The following GALNT2 variants were observed in gnomAD, a reference collection of about 807,000 sequenced individuals.
GALNT2 encodes polypeptide N-acetylgalactosaminyltransferase 2, also known as UDP-GalNAc:polypeptide N-acetylgalactosaminyltransferase 2.
In GALNT2, 31 loss-of-function variants were observed where a neutral mutation model predicts 81.4. The observed-to-expected ratio is 0.38, with a 90% CI of 0.29 to 0.51. The LOEUF (loss-of-function observed/expected upper bound fraction) is 0.51, where lower values mean the gene tolerates loss of function less well. Ranked by LOEUF, GALNT2 falls within the 20% of genes least tolerant of loss-of-function variation. The pLI, the probability that GALNT2 is intolerant of heterozygous loss-of-function variation, is 0.87. For synonymous variants in GALNT2, 303 were observed against 287.4 expected (o/e 1.05, Z -0.55); for missense variants, 629 against 765.7 (o/e 0.82, Z 2.11).
intron 1 of GALNT2, among the ~76,000 whole-genome samples, chr1:230,149,379 T>G (rs1662024064): frequency 6.6e-6 from 1 of 152,184 alleles, no homozygotes; most frequent in African/African-American, 2.4e-5. Context: ...TGCTGCCTGC[T>G]TGCTGTTTTA....
In GALNT2 at chr1:230,096,418, C is replaced by T. The variant is rs926416896; in HGVS notation, c.126+29012C>T. ...ATGGGGGTGGCATGGTTAGAGCATG[C>T]TGGCTGAGGGCAGGAGGCCAGAGGT... On this transcript the variant is annotated intron_variant, in intron 1 of 15. Coordinates refer to ENST00000366672, the MANE Select transcript of GALNT2 (RefSeq NM_004481.5). Among the ~76,000 whole-genome samples the T allele has an allele frequency of 5.3e-5, 8 of 152,160 alleles. No individual in the cohort carries two copies. The East Asian group carries it at 1.3e-3, about 26-fold the overall frequency.
intron 7 of GALNT2, among the ~76,000 whole-genome samples, chr1:230,245,262 A>G (rs1665330671): frequency 6.6e-6 from 1 of 152,136 alleles, no homozygotes; most frequent in Admixed American, 6.5e-5. Flanking sequence ...TCAGAAGTTC[A>G]AGAATAGCCT....
chr1:230,215,853 T>C (rs1462743018), intron 3 of GALNT2, among the ~76,000 whole-genome samples: 2 of 152,216 alleles, frequency 1.3e-5, no homozygotes, highest in Non-Finnish European at 2.9e-5. Flanking sequence ...AGGACATTAA[T>C]ATAGTGACTA....
At chr1:230,249,993 T>C (rs867977353) in intron 9 of GALNT2, among the ~76,000 whole-genome samples, 3 of 152,148 alleles carry the variant, frequency 2.0e-5, no homozygotes, top group Non-Finnish European at 4.4e-5. Flanking sequence ...GTGGGTTCCC[T>C]TGTAGGAGGT....
chr1:230,255,894 A>C (rs998786671), intron 11 of GALNT2, among the ~76,000 whole-genome samples: 2 of 152,212 alleles, frequency 1.3e-5, no homozygotes, highest in Admixed American at 1.3e-4. Flanking sequence ...TCTCTAACCA[A>C]ATACCACAGA....
At chr1:230,206,515 G>A (rs6675495) in intron 3 of GALNT2, among the ~76,000 whole-genome samples, 15,699 of 152,128 alleles carry the variant, frequency 0.1, 1,560 homozygotes, top group African/African-American at 0.25. Flanking sequence ...ATGTCTCAAA[G>A]TGTAAGCTCT....
chr1:230,077,482 C>G (rs1266191113), intron 1 of GALNT2, among the ~76,000 whole-genome samples: 1 of 152,188 alleles, frequency 6.6e-6, no homozygotes, highest in Non-Finnish European at 1.5e-5. Context: ...TGACCTGTGA[C>G]ACAACGGGTT....
chr1:230,279,130 G>A lies in GALNT2; in HGVS notation c.1561-173G>A, dbSNP rs1666368343. ...CTTCCTGGGTCCCAGCAGCACCTGT[G>A]GCTGGTTTCCTGTGGGGCTGCTGCA... On this transcript the variant is annotated intron_variant, in intron 15 of 15. Transcript: ENST00000366672. The surrounding 1 kb of genome is among the most constrained non-coding windows in gnomAD (Gnocchi z 4.6). 6.6e-6 allele frequency among the ~76,000 whole-genome samples: 1 copy of A among 152,210 alleles called. No homozygotes were observed. Among genetic ancestry groups the A allele is most frequent in the Non-Finnish European group, 1.5e-5 (1 of 68,038 alleles).
intron 1 of GALNT2, among the ~76,000 whole-genome samples, chr1:230,130,328 C>T (rs993790755): frequency 3.9e-5 from 6 of 152,184 alleles, no homozygotes; most frequent in African/African-American, 7.2e-5. Flanking sequence ...TAATAGCCAC[C>T]GAGTGGCTTG....
At chr1:230,132,162 A>C (rs1024002681) in intron 1 of GALNT2, among the ~76,000 whole-genome samples, 1 of 152,130 alleles carries the variant, frequency 6.6e-6, no homozygotes, top group Non-Finnish European at 1.5e-5. Context: ...CATCCCTTCA[A>C]TCAGTCTCGT....
intron 1 of GALNT2, among the ~76,000 whole-genome samples, chr1:230,140,563 G>A (rs2102823440): frequency 6.6e-6 from 1 of 152,332 alleles, no homozygotes; most frequent in East Asian, 1.9e-4. Context: ...TGTCAGTGGT[G>A]CTCGGGAAAC....
chr1:230,152,580 A>T (rs1662123664), intron 1 of GALNT2, among the ~76,000 whole-genome samples: 1 of 152,076 alleles, frequency 6.6e-6, no homozygotes, highest in African/African-American at 2.4e-5. Context: ...GGTTTGGGGG[A>T]TGGATGTCTA....
At chr1:230,177,671 T>C (rs1403146289) in intron 1 of GALNT2, among the ~76,000 whole-genome samples, 1 of 152,178 alleles carries the variant, frequency 6.6e-6, no homozygotes, top group Non-Finnish European at 1.5e-5. Context: ...GCAGTCCTAT[T>C]AGAGTAAGTC....
At chr1:230,079,866 G>A (rs1356567749) in intron 1 of GALNT2, among the ~76,000 whole-genome samples, 2 of 152,180 alleles carry the variant, frequency 1.3e-5, no homozygotes, top group African/African-American at 4.8e-5. Context: ...GGAGAGGGTT[G>A]CTGAGGCTCA....
In GALNT2 at chr1:230,279,460, A is replaced by C; in HGVS notation, c.*2A>C. On this transcript the variant is annotated 3_prime_UTR_variant, in exon 16 of 16. Transcript: ENST00000366672. The surrounding 1 kb of genome is among the most constrained non-coding windows in gnomAD (Gnocchi z 4.6). ...TTCACGCTCAACCTGCAGCAGTAGG[A>C]GGGTCCGGGAGGCCCTGCCGTCCTG... The C allele has an allele frequency of 6.2e-7, 1 of 1,612,962 alleles. No homozygotes were observed. The highest frequency in any genetic ancestry group is 2.2e-5 in the East Asian group (1 of 44,844).
chr1:230,063,614 C>T (rs1328700204), upstream of GALNT2, among the ~76,000 whole-genome samples: 2 of 152,166 alleles, frequency 1.3e-5, no homozygotes, highest in East Asian at 3.8e-4. Context: ...TTTCTTCTAC[C>T]TCTAACATTG....
At chr1:230,225,215 C>T (rs543553708) in intron 3 of GALNT2, among the ~76,000 whole-genome samples, 22 of 152,324 alleles carry the variant, frequency 1.4e-4, no homozygotes, top group African/African-American at 5.3e-4. Flanking sequence ...CATTATACAA[C>T]AGCTAATGAA....
chr1:230,172,975 A>T (rs1001130847), intron 1 of GALNT2, among the ~76,000 whole-genome samples: 3 of 152,142 alleles, frequency 2.0e-5, no homozygotes, highest in Non-Finnish European at 4.4e-5. Context: ...TTCCCGTCTG[A>T]TTACACTCAT....
rs574706184 is a variant in GALNT2, at chr1:230,244,177, G to A, written c.729+750G>A. Among the ~76,000 whole-genome samples, 14 of 151,994 alleles carry A rather than the reference G, an allele frequency of 9.2e-5. No individual in the cohort carries two copies. The South Asian group carries it at 2.9e-3, about 32-fold the overall frequency. ...CCTAAGCATAGCAAGGATAGCTGAT[G>A]GGCTGTGAGTCATGGAATACTAAGT... On this transcript the variant is annotated intron_variant, in intron 7 of 15. Transcript: ENST00000366672.
Sources: allele counts gnomAD v4.1 joint callset (sites outside exome capture counted in the v4.1 genomes callset), GRCh38; gene constraint gnomAD v4.1.1; non-coding constraint Gnocchi (gnomAD v3.1); transcripts MANE v1.5; gene names NCBI Gene and HGNC (gene_info 2026-07-23, HGNC 2026-07-21).